Variants in DSP observed in about 807,000 individuals in gnomAD.
DSP encodes 250/210 kDa paraneoplastic pemphigus antigen.
Under a neutral mutation model 290.6 loss-of-function variants are expected in DSP, and 114 were observed. The observed-to-expected ratio is 0.39, with a 90% confidence interval of 0.34 to 0.46. The LOEUF is 0.46. Among genes scored for constraint, DSP ranks in the 20% least tolerant of loss-of-function variants. DSP has a pLI of 0.99. For missense variants in DSP, 3,230 were observed against 3,495.8 expected, an observed-to-expected ratio of 0.92 and a Z score of 1.92; for synonymous variants, 1,311 against 1,316.4, an observed-to-expected ratio of 1.00 and a Z score of 0.09.
chr6:7,571,826 T>A lies in DSP; in HGVS notation c.1904-16T>A. The A allele has an allele frequency of 6.2e-7, 1 of 1,610,458 alleles. No homozygotes were observed. On this transcript the variant is annotated splice_polypyrimidine_tract_variant and intron_variant, in intron 14 of 23. Transcript: ENST00000379802. ...AGGTATTCTCTGATTTTTGTGGCCC[T>A]AACTTCTTTTTACAGTGACCACAAC...
chr6:7,555,790 C>T lies in DSP; in HGVS notation c.243C>T (p.Cys81=), dbSNP rs947998304. The T allele has an allele frequency of 6.2e-7, 1 of 1,614,218 alleles. No individual in the cohort carries two copies. The highest frequency in any genetic ancestry group is 8.5e-7 in the Non-Finnish European group (1 of 1,180,038). ...AGCTGCTGCAGAACTGCTCCGACTG[C>T]TTGATGCGAGCAGAGCTCATCGTGC... ...IQELLQNCSD[C]LMRAELIVQP... Residue 81 remains cysteine, a synonymous_variant, in exon 2 of 24, where the codon TGC becomes TGT. Coordinates refer to ENST00000379802, the MANE Select transcript of DSP (RefSeq NM_004415.4).
intron 3 of DSP, 28 bp downstream of exon 3, chr6:7,558,292 A>C (rs1314382887): frequency 3.7e-6 from 6 of 1,605,840 alleles, no homozygotes; most frequent in Admixed American, 1.7e-5. Context: ...TGGATCGGGC[A>C]GTCCCCATGA....
rs112877191 is a variant in DSP, at chr6:7,562,741, C to T, written c.687C>T (p.Gly229=). 3.0e-5 allele frequency: 48 copies of T among 1,614,084 alleles called. No homozygotes were observed. The African/African-American group carries it at 4.5e-4, about 15-fold the overall frequency. The change falls in exon 5 of 24, where the codon GGC becomes GGT. Residue 229 remains glycine (G), a synonymous_variant. Coordinates refer to ENST00000379802, the MANE Select transcript of DSP (RefSeq NM_004415.4). ...ACCGGGGCATCCACAACTCCATCGG[C>T]GACTATCGCTGGCAGCTGGACAAAA... ...NSHRGIHNSI[G]DYRWQLDKIK...
At chr6:7,547,175 G>C (rs554826898) in intron 1 of DSP, among the ~76,000 whole-genome samples, 1 of 151,996 alleles carries the variant, frequency 6.6e-6, no homozygotes, top group African/African-American at 2.4e-5. Flanking sequence ...TGGCCCTGCC[G>C]CTTGAAAACG....
chr6:7,583,575 G>C lies in DSP; in HGVS notation c.6313G>C (p.Val2105Leu), dbSNP rs1451392074. 6.2e-7 allele frequency: 1 copy of C among 1,614,208 alleles called. No homozygotes were observed. The highest frequency in any genetic ancestry group is 1.1e-5 in the South Asian group (1 of 91,088). ...GFDDPFSGKT[V>L]SVSEAIKKNL... ...TGATGATCCATTTTCAGGCAAGACAGTATCTGTTTCAGAAGCCATCAAGAA... is the reference window on the plus strand; with the variant it reads ...TGATGATCCATTTTCAGGCAAGACACTATCTGTTTCAGAAGCCATCAAGAA... Residue 2105 changes from valine (V) to leucine (L), a missense_variant, in exon 24 of 24, where the codon GTA (valine) becomes CTA (leucine). By Grantham distance (32) the Val-to-Leu change is conservative. Around this residue, in one of 5 missense-constraint regions of DSP, gnomAD observed 1,714 missense variants for 1,844.5 expected, o/e 0.93. Coordinates refer to ENST00000379802, the MANE Select transcript of DSP (RefSeq NM_004415.4). This position sits in a 1 kb window ranked among gnomAD's most constrained non-coding sequence, Gnocchi z 4.0.
chr6:7,553,237 G>T (rs2744369), intron 1 of DSP, among the ~76,000 whole-genome samples: 38,592 of 151,906 alleles, frequency 0.25, 5,250 homozygotes, highest in African/African-American at 0.34. Context: ...CCCAAAGTGC[G>T]GGGATTACAG....
In DSP at chr6:7,584,304, A is replaced by G. The variant is rs1369159735; in HGVS notation, c.7042A>G (p.Ile2348Val). Residue 2348 changes from isoleucine (I) to valine (V), a missense_variant, in exon 24 of 24, where the codon ATC becomes GTC. By Grantham distance (29) the Ile-to-Val change is conservative. Coordinates refer to ENST00000379802, the MANE Select transcript of DSP (RefSeq NM_004415.4). The surrounding 1 kb of genome is among the most constrained non-coding windows in gnomAD (Gnocchi z 6.4). ...GYNDPETGNI[I>V]SLFQAMNKEL... ...TAATGATCCTGAAACAGGAAACATC[A>G]TCTCTTTGTTCCAAGCCATGAATAA... 1.2e-6 allele frequency: 2 copies of G among 1,614,196 alleles called. No individual in the cohort carries two copies. Among genetic ancestry groups the G allele is most frequent in the South Asian group, 2.2e-5 (2 of 91,080 alleles).
chr6:7,585,815 C>A lies in DSP; in HGVS notation c.8553C>A (p.Asp2851Glu). 1 of 1,611,144 alleles carries A rather than the reference C, an allele frequency of 6.2e-7. No homozygotes were observed. Among genetic ancestry groups the A allele is most frequent in the Middle Eastern group, 1.7e-4 (1 of 6,036 alleles). ...GTGGGTCCCGGAGAGGAAGCTTTGA[C>A]GCCACAGGGAATTCTTCCTACTCTT... ...SRSGSRRGSFDATGNSSYSYS... is the reference protein window; with the variant it reads ...SRSGSRRGSFEATGNSSYSYS... The change falls in exon 24 of 24, where the codon GAC (aspartate) becomes GAA (glutamate). Residue 2851 changes from aspartate to glutamate, a missense_variant. Coordinates refer to ENST00000379802, the MANE Select transcript of DSP (RefSeq NM_004415.4).
At chr6:7,569,054 G>A in intron 11 of DSP, 132 bp from the exon 12 acceptor site, 1 of 1,218,898 alleles carries the variant, frequency 8.2e-7, no homozygotes, top group Non-Finnish European at 1.2e-6. Context: ...ATGATGATCA[G>A]CTTCATTTGA....
chr6:7,555,362 G>A (rs536957303), intron 1 of DSP, among the ~76,000 whole-genome samples: 1 of 152,046 alleles, frequency 6.6e-6, no homozygotes, highest in Non-Finnish European at 1.5e-5. Context: ...TTTATTCTTA[G>A]GAATGATATG....
At position 7,546,873 on chromosome 6, in the gene DSP, C is replaced by A. The variant is rs577677839; in HGVS notation, c.170+4788C>A. 2.0e-5 allele frequency among the ~76,000 whole-genome samples: 3 copies of A among 152,266 alleles called. No homozygotes were observed. In the South Asian group the frequency reaches 6.2e-4, roughly 32 times the overall value. ...ATGGGACAATACAGCTTTCAACAGT[C>A]ATTTTTTTCTCTAAATATGGGCATA... On this transcript the variant is annotated intron_variant, in intron 1 of 23. Coordinates refer to ENST00000379802, the MANE Select transcript of DSP (RefSeq NM_004415.4).
In DSP at chr6:7,585,533, T is replaced by G; in HGVS notation, c.8271T>G (p.Asp2757Glu). ...AAGCCATCCGGAAGGGGTTCATAGA[T>G]GGCCGCGCCGCACAGAGGCTGCAAG... Reference protein sequence around the residue: ...TEEAIRKGFIDGRAAQRLQDT... With the variant: ...TEEAIRKGFIEGRAAQRLQDT... Residue 2757 changes from aspartate to glutamate, a missense_variant, in exon 24 of 24, where the codon GAT (aspartate) becomes GAG (glutamate). Asp to Glu is a conservative substitution (Grantham distance 45). Transcript: ENST00000379802. 6.2e-7 allele frequency: 1 copy of G among 1,614,134 alleles called. No homozygotes were observed. The highest frequency in any genetic ancestry group is 8.5e-7 in the Non-Finnish European group (1 of 1,180,034).
At chr6:7,581,644 GCT>G in intron 23 of DSP, 75 bp downstream of exon 23, 1 of 1,580,228 alleles carries the variant, frequency 6.3e-7, no homozygotes, top group Non-Finnish European at 8.6e-7. Context: ...TCTGAACTGT[GCT>G]CTTTCTGCTT....
In DSP at chr6:7,542,011, C is replaced by T. The variant is rs1440994214; in HGVS notation, c.96C>T (p.Ser32=). The change falls in exon 1 of 24, where the codon AGC becomes AGT. Residue 32 remains serine (S), a synonymous_variant. Coordinates refer to ENST00000379802, the MANE Select transcript of DSP (RefSeq NM_004415.4). ...CGGACCTGCGCTACGAGGTGACCAG[C>T]GGCGGCGGGGGCACCAGCAGGATGT... is the stretch of plus-strand genomic sequence containing the variant. The part of the protein sequence containing the change: ...SGPDLRYEVT[S]GGGGTSRMYY... 1.3e-6 allele frequency: 2 copies of T among 1,589,966 alleles called. No homozygotes were observed. Among genetic ancestry groups the T allele is most frequent in the Non-Finnish European group, 1.7e-6 (2 of 1,169,226 alleles).
Position 7,584,899 on chromosome 6 carries a change from A to C in DSP, c.7637A>C (p.Gln2546Pro), listed in dbSNP as rs1204856152. ...KGLVDRKFFD[Q>P]YRSGSLSLTQ... ...CTTGTTGACAGGAAGTTCTTTGATCAGTACCGATCCGGCAGCCTCAGCCTC... is the reference window on the plus strand; with the variant it reads ...CTTGTTGACAGGAAGTTCTTTGATCCGTACCGATCCGGCAGCCTCAGCCTC... The change falls in exon 24 of 24, where the codon CAG (glutamine) becomes CCG (proline). Residue 2546 changes from glutamine to proline, a missense_variant. Gln to Pro is a moderately conservative substitution (Grantham distance 76, BLOSUM62 -1). Coordinates refer to ENST00000379802, the MANE Select transcript of DSP (RefSeq NM_004415.4). The surrounding 1 kb of genome is among the most constrained non-coding windows in gnomAD (Gnocchi z 6.4). The C allele has an allele frequency of 6.2e-7, 1 of 1,614,132 alleles. No individual in the cohort carries two copies. The highest frequency in any genetic ancestry group is 8.5e-7 in the Non-Finnish European group (1 of 1,180,050).
intron 1 of DSP, among the ~76,000 whole-genome samples, chr6:7,542,829 G>A (rs1230706607): frequency 3.3e-5 from 5 of 152,186 alleles, no homozygotes; most frequent in African/African-American, 1.2e-4. Context: ...CTGCCTCTGA[G>A]CCTTTTGTTT....
At chr6:7,577,919 G>A (rs765324643) in intron 21 of DSP, 33 bp downstream of exon 21, 1 of 1,547,908 alleles carries the variant, frequency 6.5e-7, no homozygotes, top group Non-Finnish European at 8.9e-7. Context: ...CTTAAAACCT[G>A]CCCCTCCTTC....
Position 7,579,957 on chromosome 6 carries a change from T to A in DSP, c.3767T>A (p.Leu1256His). 1 of 1,614,110 alleles carries A rather than the reference T, an allele frequency of 6.2e-7. No homozygotes were observed. Among genetic ancestry groups the A allele is most frequent in the Non-Finnish European group, 8.5e-7 (1 of 1,180,034 alleles). The change falls in exon 23 of 24, where the codon CTC (leucine) becomes CAC (histidine). Residue 1256 changes from leucine (L) to histidine (H), a missense_variant. Physicochemically the swap from Leu to His is moderately conservative, Grantham distance 99 (BLOSUM62 -3). Coordinates refer to ENST00000379802, the MANE Select transcript of DSP (RefSeq NM_004415.4). The surrounding 1 kb of genome is among the most constrained non-coding windows in gnomAD (Gnocchi z 4.1). ...GATCTGAAGGATGAAATTGTCAGGC[T>A]CAATGACAGCATCTTGCAGGCCACT... ...NRDLKDEIVR[L>H]NDSILQATEQ...
rs1429987499 is a variant in DSP, at chr6:7,579,191, T to C, written c.3085-84T>C. ...TGTAAAGAGAAATAAGAATGCACAT[T>C]GGTCTGGGAGGGGAAAAGTACTGCT... On this transcript the variant is annotated intron_variant, in intron 22 of 23. Coordinates refer to ENST00000379802, the MANE Select transcript of DSP (RefSeq NM_004415.4). The surrounding 1 kb of genome is among the most constrained non-coding windows in gnomAD (Gnocchi z 4.1). 2 of 1,555,716 alleles carry C rather than the reference T, an allele frequency of 1.3e-6. No homozygotes were observed. The highest frequency in any genetic ancestry group is 2.3e-5 in the East Asian group (1 of 43,052).
Sources: allele counts gnomAD v4.1 joint callset (sites outside exome capture counted in the v4.1 genomes callset), GRCh38; gene constraint gnomAD v4.1.1; regional missense constraint gnomAD v4.1.1; non-coding constraint Gnocchi (gnomAD v3.1); transcripts MANE v1.5; gene names NCBI Gene and HGNC (gene_info 2026-07-23, HGNC 2026-07-21).